TYMS: variants seen among roughly 807,000 people sequenced by gnomAD.
The protein encoded by TYMS is thymidylate synthase.
Under a neutral mutation model 39.3 loss-of-function variants are expected in TYMS, and 21 were observed. The ratio of observed to expected loss-of-function variants is 0.54; its 90% confidence interval spans 0.38 to 0.77. The LOEUF (loss-of-function observed/expected upper bound fraction) is 0.77, where lower values mean the gene tolerates loss of function less well. TYMS is among the 30% of genes least tolerant of loss of function. The probability of loss-of-function intolerance (pLI) is 0.00; values close to 1 mark genes in which losing one functional copy is unlikely to be tolerated. For missense variants in TYMS, 273 were observed against 406.7 expected (o/e 0.67, Z 2.83); for synonymous variants, 171 against 162.2 (o/e 1.05, Z -0.41).
In TYMS at chr18:669,433, C is replaced by T. The variant is rs557529223; in HGVS notation, c.556+260C>T. Reference sequence around the variant, plus strand: ...TGTTGCCCAGGCTGGAATGCAACGGCGTGATCTTGGCTCACTGTAACCTCT... The same window carrying T: ...TGTTGCCCAGGCTGGAATGCAACGGTGTGATCTTGGCTCACTGTAACCTCT... On this transcript the variant is annotated intron_variant, in intron 4 of 6. Transcript: ENST00000323274. 5.9e-5 allele frequency: 19 copies of T among 322,654 alleles called. No individual in the cohort carries two copies. The Admixed American group carries it at 6.5e-4, about 11-fold the overall frequency. The allele number at this position is 322,654 out of a possible 1,614,324, so 20.0% of individuals were successfully genotyped here. A position where few individuals can be genotyped will look rare whatever the true frequency, so the allele number is the denominator to read the frequency against.
chr18:664,510 TC>T (rs1289654004), intron 3 of TYMS, among the ~76,000 whole-genome samples: 2 of 139,196 alleles, frequency 1.4e-5, no homozygotes, highest in Non-Finnish European at 3.1e-5. Flanking sequence ...ACCCTTTATT[TC>T]CTTCTCCTGC....
In TYMS at chr18:669,126, C is replaced by G. The variant is rs147052596; in HGVS notation, c.509C>G (p.Thr170Ser). The G allele has an allele frequency of 1.9e-5, 31 of 1,614,066 alleles. No individual in the cohort carries two copies. Among genetic ancestry groups the G allele is most frequent in the Non-Finnish European group, 2.5e-5 (30 of 1,180,038 alleles). ...QLQRVIDTIK[T>S]NPDDRRIIMC... Reference sequence around the variant, plus strand: ...CAAAGAGTGATTGACACCATCAAAACCAACCCTGACGACAGAAGAATCATC... The same window carrying G: ...CAAAGAGTGATTGACACCATCAAAAGCAACCCTGACGACAGAAGAATCATC... The change falls in exon 4 of 7, where the codon ACC (threonine) becomes AGC (serine). Residue 170 changes from threonine to serine, a missense_variant. Thr to Ser is a moderately conservative substitution (Grantham distance 58, BLOSUM62 1). This residue lies in a region of TYMS where 228 missense variants were observed against 326.1 expected (regional missense o/e 0.70). Transcript: ENST00000323274.
Position 670,810 on chromosome 18 carries a change from C to A in TYMS, c.675C>A (p.Phe225Leu), listed in dbSNP as rs2075007551. The change falls in exon 5 of 7, where the codon TTC (phenylalanine) becomes TTA (leucine). Residue 225 changes from phenylalanine (F) to leucine (L), a missense_variant. Transcript: ENST00000323274. Reference protein sequence around the residue: ...RSGDMGLGVPFNIASYALLTY... With the variant: ...RSGDMGLGVPLNIASYALLTY... ...GAGACATGGGCCTCGGTGTGCCTTT[C>A]AACATCGCCAGCTACGCCCTGCTCA... 7 of 1,614,014 alleles carry A rather than the reference C, an allele frequency of 4.3e-6. No homozygotes were observed. Among genetic ancestry groups the A allele is most frequent in the African/African-American group, 1.3e-5 (1 of 74,890 alleles).
chr18:672,654 A>G (rs1226413293), intron 6 of TYMS: 4 of 426,958 alleles, frequency 9.4e-6, no homozygotes, highest in Non-Finnish European at 1.6e-5. Context: ...ATGTCACAAA[A>G]TACCCCTCAC....
At position 658,027 on chromosome 18, in the gene TYMS, C is replaced by A. The variant is rs551390018; in HGVS notation, c.205+80C>A. The A allele has an allele frequency of 2.7e-5, 42 of 1,534,470 alleles. No individual in the cohort carries two copies. The highest frequency in any genetic ancestry group is 3.4e-5 in the Non-Finnish European group (39 of 1,142,352). ...GGGAGAGCGCTCGGGAGCTGCCGGG[C>A]GCTGCGGACCCCGTTTAGTCCTAAC... On this transcript the variant is annotated intron_variant, in intron 1 of 6. Transcript: ENST00000323274. This position sits in a 1 kb window ranked among gnomAD's most constrained non-coding sequence, Gnocchi z 4.5.
At chr18:670,477 A>G in intron 4 of TYMS, 1 of 554,786 alleles carries the variant, frequency 1.8e-6, no homozygotes, top group Non-Finnish European at 3.2e-6. Context: ...TCAGCCGTAA[A>G]TGGACACCTG....
At chr18:667,185 T>C (rs207949) in intron 3 of TYMS, among the ~76,000 whole-genome samples, 1 of 62,584 alleles carries the variant, frequency 1.6e-5, no homozygotes. Flanking sequence ...ATGGTGATGG[T>C]GATGGAGATG....
At chr18:659,295 G>T (rs948188179) in intron 1 of TYMS, among the ~76,000 whole-genome samples, 14 of 152,098 alleles carry the variant, frequency 9.2e-5, no homozygotes, top group African/African-American at 2.4e-4. Flanking sequence ...ACACATGCTT[G>T]GTGTTGTCTT....
chr18:659,748 C>A, intron 2 of TYMS, 34 bp downstream of exon 2: 2 of 1,552,862 alleles, frequency 1.3e-6, no homozygotes, highest in South Asian at 1.1e-5. Flanking sequence ...AGTCAGTAGT[C>A]TGTTCTCAAC....
At chr18:659,859 G>C in intron 2 of TYMS, 145 bp downstream of exon 2, 1 of 738,676 alleles carries the variant, frequency 1.4e-6, no homozygotes, top group Non-Finnish European at 2.3e-6. Context: ...ATCACCTGAG[G>C]TTAGGAATTT....
rs1308002861 is a variant in TYMS, at chr18:658,962, C to T, written c.206-679C>T. Among the ~76,000 whole-genome samples, 1 of 152,210 alleles carries T rather than the reference C, an allele frequency of 6.6e-6. No individual in the cohort carries two copies. Among genetic ancestry groups the T allele is most frequent in the African/African-American group, 2.4e-5 (1 of 41,460 alleles). On this transcript the variant is annotated intron_variant, in intron 1 of 6. Coordinates refer to ENST00000323274, the MANE Select transcript of TYMS (RefSeq NM_001071.4). The surrounding 1 kb of genome is among the most constrained non-coding windows in gnomAD (Gnocchi z 4.5). ...CGTGGGACAGCGTGGGGAGTTTTGT[C>T]TGAGGAGAGGGATCCACTTTTCTGC...
chr18:668,975 C>A, intron 3 of TYMS, 97 bp from the exon 4 acceptor site: 2 of 998,378 alleles, frequency 2.0e-6, no homozygotes, highest in Non-Finnish European at 3.0e-6. Context: ...CAAGGGGGGA[C>A]CCTGGGTAAG....
At chr18:662,598 T>C (rs1463036338) in intron 3 of TYMS, among the ~76,000 whole-genome samples, 1 of 151,342 alleles carries the variant, frequency 6.6e-6, no homozygotes, top group Non-Finnish European at 1.5e-5. Flanking sequence ...TGTGCCATGC[T>C]GGTGCGCTGC....
chr18:657,780 T>G lies in TYMS; in HGVS notation c.38T>G (p.Leu13Trp). 6.9e-7 allele frequency: 1 copy of G among 1,447,674 alleles called. No homozygotes were observed. Among genetic ancestry groups the G allele is most frequent in the Middle Eastern group, 1.9e-4 (1 of 5,228 alleles). 89.7% of individuals were successfully genotyped at this position (1,447,674 alleles called of 1,614,324 possible). Residue 13 changes from leucine (L) to tryptophan (W), a missense_variant, in exon 1 of 7, where the codon TTG (leucine) becomes TGG (tryptophan). By Grantham distance (61) the Leu-to-Trp change is moderately conservative. Transcript: ENST00000323274. ...GGCTCGGAGCTGCCGCGCCGGCCCT[T>G]GCCCCCCGCCGCACAGGAGCGGGAC... is the stretch of plus-strand genomic sequence containing the variant. ...VAGSELPRRP[L>W]PPAAQERDAE...
At position 668,351 on chromosome 18, in the gene TYMS, AAGG is replaced by A. The variant is rs1194313705; in HGVS notation, c.455-718_455-716del. ...ACACTAATAGGTAGAAATTTAACCAAAGGAGATTATGAAGCTCTGCACTTCAGT... is the reference window on the plus strand; with the variant it reads ...ACACTAATAGGTAGAAATTTAACCAAAGATTATGAAGCTCTGCACTTCAGT... On this transcript the variant is annotated intron_variant, in intron 3 of 6. Coordinates refer to ENST00000323274, the MANE Select transcript of TYMS (RefSeq NM_001071.4). Among the ~76,000 whole-genome samples, 12 of 152,288 alleles carry A rather than the reference AAGG, an allele frequency of 7.9e-5. No homozygotes were observed. In the East Asian group the frequency reaches 2.3e-3, roughly 29 times the overall value.
At chr18:671,580 A>C in intron 6 of TYMS, 129 bp downstream of exon 6, 1 of 724,388 alleles carries the variant, frequency 1.4e-6, no homozygotes, top group East Asian at 2.6e-5. Flanking sequence ...GCTTCAGTTT[A>C]GGGAGAAGTG....
intron 1 of TYMS, among the ~76,000 whole-genome samples, chr18:659,401 T>G (rs888435980): frequency 2.0e-5 from 3 of 152,144 alleles, no homozygotes; most frequent in Non-Finnish European, 4.4e-5. Context: ...CATCTCACTG[T>G]GTGGAATTCC....
Position 673,200 on chromosome 18 carries a change from A to C in TYMS, c.*203A>C, listed in dbSNP as rs2075147907. 3 of 462,116 alleles carry C rather than the reference A, an allele frequency of 6.5e-6. No individual in the cohort carries two copies. The highest frequency in any genetic ancestry group is 5.7e-5 in the African/African-American group (3 of 52,226). 28.6% of individuals were successfully genotyped at this position (462,116 alleles called of 1,614,324 possible). On this transcript the variant is annotated 3_prime_UTR_variant, in exon 7 of 7. Coordinates refer to ENST00000323274, the MANE Select transcript of TYMS (RefSeq NM_001071.4). ...TTCCATAATAAAAGGCTTTGAGTTAACTCACTGAGGGTATCTGACAATGCT... is the reference window on the plus strand; with the variant it reads ...TTCCATAATAAAAGGCTTTGAGTTACCTCACTGAGGGTATCTGACAATGCT...
chr18:673,058 G>A lies in TYMS; in HGVS notation c.*61G>A, dbSNP rs2144423441. On this transcript the variant is annotated 3_prime_UTR_variant, in exon 7 of 7. Coordinates refer to ENST00000323274, the MANE Select transcript of TYMS (RefSeq NM_001071.4). Reference sequence around the variant, plus strand: ...CTTTAGGGGTTGGGCTGGATGCCGAGGTAAAAGTTCTTTTTGCTCTAAAAG... The same window carrying A: ...CTTTAGGGGTTGGGCTGGATGCCGAAGTAAAAGTTCTTTTTGCTCTAAAAG... 1 of 1,432,184 alleles carries A rather than the reference G, an allele frequency of 7.0e-7. No individual in the cohort carries two copies. Among genetic ancestry groups the A allele is most frequent in the Non-Finnish European group, 9.3e-7 (1 of 1,075,434 alleles). The allele number at this position is 1,432,184 out of a possible 1,614,324, so 88.7% of individuals were successfully genotyped here.
Sources: gnomAD v4.1 joint callset for allele counts (sites outside exome capture counted in the v4.1 genomes callset) on GRCh38, gnomAD v4.1.1 for gene constraint, gnomAD v4.1.1 regional missense constraint, Gnocchi (gnomAD v3.1) non-coding constraint, MANE v1.5 for transcripts, NCBI Gene and HGNC (gene_info 2026-07-23, HGNC 2026-07-21) for gene names.